The following FHOD3 variants were observed in gnomAD, a reference collection of about 807,000 sequenced individuals.
FHOD3 encodes FH1/FH2 domain-containing protein 3.
In FHOD3, 90 loss-of-function variants were observed where a neutral mutation model predicts 173.0. The ratio of observed to expected loss-of-function variants is 0.52; its 90% CI spans 0.44 to 0.62. The LOEUF (loss-of-function observed/expected upper bound fraction) is 0.62. FHOD3 is among the 20% of genes least tolerant of loss of function. The probability of loss-of-function intolerance (pLI) is 0.00; values close to 1 mark genes in which losing one functional copy is unlikely to be tolerated. For synonymous variants in FHOD3, 828 were observed against 823.0 expected, an observed-to-expected ratio of 1.01 and a Z score of -0.10; for missense variants, 1,945 against 2,034.7, an observed-to-expected ratio of 0.96 and a Z score of 0.85.
chr18:36,421,891 A>G (rs1455748596), intron 3 of FHOD3, among the ~76,000 whole-genome samples: 1 of 152,058 alleles, frequency 6.6e-6, no homozygotes, highest in Admixed American at 6.6e-5. Context: ...TCAGCATAGC[A>G]CCCCAAAGCC....
At chr18:36,306,220 G>A (rs1009009063) in intron 1 of FHOD3, among the ~76,000 whole-genome samples, 1 of 152,226 alleles carries the variant, frequency 6.6e-6, no homozygotes, top group Admixed American at 6.5e-5. Flanking sequence ...CATTTGCAGT[G>A]TCCAAGTGGT....
At chr18:36,398,109 G>GT (rs2048637920) in intron 3 of FHOD3, among the ~76,000 whole-genome samples, 1 of 152,166 alleles carries the variant, frequency 6.6e-6, no homozygotes, top group Non-Finnish European at 1.5e-5. Context: ...AAATGAATGG[G>GT]TTTTTCCTGC....
At chr18:36,517,392 C>G (rs1599476359) in intron 5 of FHOD3, among the ~76,000 whole-genome samples, 1 of 152,296 alleles carries the variant, frequency 6.6e-6, no homozygotes, top group East Asian at 1.9e-4. Context: ...TTCACACTGT[C>G]TTGAAGCAGG....
chr18:36,609,146 G>C (rs1384413005), intron 8 of FHOD3, among the ~76,000 whole-genome samples: 1 of 152,224 alleles, frequency 6.6e-6, no homozygotes, highest in Non-Finnish European at 1.5e-5. Context: ...ACAGGAGGAG[G>C]GATACCAAGT....
intron 20 of FHOD3, among the ~76,000 whole-genome samples, chr18:36,739,403 A>T (rs561982902): frequency 6.6e-6 from 1 of 152,238 alleles, no homozygotes; most frequent in Non-Finnish European, 1.5e-5. Flanking sequence ...TATCACCACC[A>T]GCTTGCCCTT....
intron 17 of FHOD3, among the ~76,000 whole-genome samples, chr18:36,703,857 C>T (rs368458810): frequency 1.5e-4 from 23 of 152,200 alleles, no homozygotes; most frequent in African/African-American, 5.3e-4. Context: ...TATATTCTTA[C>T]ACCTAAGAAA....
chr18:36,763,419 T>C (rs374047134), intron 27 of FHOD3, among the ~76,000 whole-genome samples: 110 of 137,788 alleles, frequency 8.0e-4, no homozygotes, highest in African/African-American at 2.6e-3. Context: ...ACGTTATATA[T>C]AATATGCGTA....
chr18:36,496,794 A>G (rs1335182255), intron 3 of FHOD3, among the ~76,000 whole-genome samples: 1 of 152,258 alleles, frequency 6.6e-6, no homozygotes, highest in African/African-American at 2.4e-5. Context: ...CAGTAGTTCA[A>G]GAGAAGGTAT....
intron 5 of FHOD3, among the ~76,000 whole-genome samples, chr18:36,545,648 G>A (rs1026461360): frequency 5.9e-5 from 9 of 152,190 alleles, no homozygotes; most frequent in African/African-American, 1.7e-4. Flanking sequence ...ATTTTCCTCA[G>A]CATGGATTAT....
chr18:36,441,085 A>G (rs1314527024), intron 3 of FHOD3, among the ~76,000 whole-genome samples: 1 of 152,152 alleles, frequency 6.6e-6, no homozygotes, highest in African/African-American at 2.4e-5. Flanking sequence ...TAGATTCCTC[A>G]GTTCCAGGAG....
intron 5 of FHOD3, among the ~76,000 whole-genome samples, chr18:36,529,270 G>T (rs1230988620): frequency 6.6e-6 from 1 of 152,186 alleles, no homozygotes; most frequent in Non-Finnish European, 1.5e-5. Flanking sequence ...GACTGATAGG[G>T]TTTGATGGTG....
intron 10 of FHOD3, among the ~76,000 whole-genome samples, chr18:36,640,198 A>G (rs934462581): frequency 2.6e-5 from 4 of 152,168 alleles, no homozygotes; most frequent in Admixed American, 2.6e-4. Flanking sequence ...TTTCCTGTCT[A>G]ACTTTGGGTT....
chr18:36,591,522 A>G (rs1190622195), intron 6 of FHOD3, among the ~76,000 whole-genome samples: 1 of 152,236 alleles, frequency 6.6e-6, no homozygotes, highest in Non-Finnish European at 1.5e-5. Flanking sequence ...CATGGGTCAG[A>G]TAAAGCCTCT....
intron 3 of FHOD3, among the ~76,000 whole-genome samples, chr18:36,478,305 G>A (rs900356674): frequency 6.6e-6 from 1 of 152,166 alleles, no homozygotes; most frequent in African/African-American, 2.4e-5. Context: ...TGAGTACACA[G>A]TAGGGGTATA....
intron 3 of FHOD3, among the ~76,000 whole-genome samples, chr18:36,482,452 C>T (rs576418434): frequency 3.3e-5 from 5 of 151,602 alleles, no homozygotes; most frequent in African/African-American, 1.2e-4. Context: ...ACTGCGTGAC[C>T]CCCCCGCCCC....
intron 14 of FHOD3, among the ~76,000 whole-genome samples, chr18:36,658,926 A>G (rs377152008): frequency 6.6e-5 from 10 of 152,232 alleles, no homozygotes; most frequent in African/African-American, 1.7e-4. Context: ...ACAAAAGTCC[A>G]CTCGGGAGTG....
intron 1 of FHOD3, among the ~76,000 whole-genome samples, chr18:36,314,824 A>G (rs1200166670): frequency 6.6e-6 from 1 of 152,136 alleles, no homozygotes; most frequent in African/African-American, 2.4e-5. Context: ...TCCTTAGAAT[A>G]TTAGAGTACA....
At chr18:36,650,970 A>T (rs1395650842) in intron 11 of FHOD3, among the ~76,000 whole-genome samples, 1 of 152,228 alleles carries the variant, frequency 6.6e-6, no homozygotes, top group Non-Finnish European at 1.5e-5. Flanking sequence ...AAACATGTGT[A>T]TGTTAAATAA....
chr18:36,638,563 C>T (rs1036729081), intron 10 of FHOD3, among the ~76,000 whole-genome samples: 2 of 152,142 alleles, frequency 1.3e-5, no homozygotes, highest in African/African-American at 4.8e-5. Context: ...TAGGTCGTGG[C>T]TATTGATGCC....
Sources: allele counts gnomAD v4.1 joint callset (sites outside exome capture counted in the v4.1 genomes callset), GRCh38; gene constraint gnomAD v4.1.1; transcripts MANE v1.5; gene names NCBI Gene and HGNC (gene_info 2026-07-23, HGNC 2026-07-21).